The following CEP112 variants were observed in gnomAD, a reference collection of about 807,000 sequenced individuals.
CEP112 encodes centrosomal protein of 112 kDa.
A neutral mutation model predicts 153.0 loss-of-function variants in CEP112; 127 were observed. The ratio of observed to expected loss-of-function variants is 0.83; its 90% confidence interval spans 0.72 to 0.96. CEP112 has a LOEUF of 0.96. Among genes scored for constraint, CEP112 ranks in the 40% least tolerant of loss-of-function variants. CEP112 has a pLI of 0.00. For synonymous variants in CEP112, 358 were observed against 374.4 expected (o/e 0.96, Z 0.51); for missense variants, 1,089 against 1,101.2 (o/e 0.99, Z 0.16).
chr17:65,712,273 C>T (rs376437503), intron 23 of CEP112, among the ~76,000 whole-genome samples: 8 of 152,094 alleles, frequency 5.3e-5, no homozygotes, highest in Non-Finnish European at 1.2e-4. Flanking sequence ...ATGGTCTGGC[C>T]GCCATGGGGC....
intron 23 of CEP112, among the ~76,000 whole-genome samples, chr17:65,713,426 A>G (rs1158369056): frequency 6.6e-6 from 1 of 152,216 alleles, no homozygotes; most frequent in African/African-American, 2.4e-5. Flanking sequence ...ACAATTTAGA[A>G]TTTATTTTAA....
At chr17:65,937,481 T>A (rs1248000757) in intron 18 of CEP112, among the ~76,000 whole-genome samples, 4 of 115,458 alleles carry the variant, frequency 3.5e-5, no homozygotes, top group East Asian at 4.9e-4. Context: ...GTCTGAGAAG[T>A]GAGGAGACCC....
At chr17:66,056,158 A>C (rs1261567673) in intron 11 of CEP112, among the ~76,000 whole-genome samples, 1 of 152,214 alleles carries the variant, frequency 6.6e-6, no homozygotes, top group Non-Finnish European at 1.5e-5. Flanking sequence ...AGAGTTTGAT[A>C]ATGGGTACAG....
intron 17 of CEP112, among the ~76,000 whole-genome samples, chr17:65,969,958 A>C (rs990485483): frequency 2.0e-5 from 3 of 152,168 alleles, no homozygotes; most frequent in Non-Finnish European, 4.4e-5. Context: ...CAGGTATATT[A>C]AATGTATGTA....
intron 9 of CEP112, 67 bp downstream of exon 9, chr17:66,069,847 TG>T: frequency 1.2e-6 from 1 of 835,210 alleles, no homozygotes; most frequent in Non-Finnish European, 1.9e-6. Flanking sequence ...GATAACTGGA[TG>T]GATCATCATA....
intron 20 of CEP112, among the ~76,000 whole-genome samples, chr17:65,864,702 C>G (rs2058423939): frequency 6.6e-6 from 1 of 152,154 alleles, no homozygotes. Context: ...CTGCTCATGG[C>G]TGTTGGCTAA....
intron 21 of CEP112, among the ~76,000 whole-genome samples, chr17:65,845,096 G>T (rs1212835200): frequency 6.6e-6 from 1 of 152,160 alleles, no homozygotes; most frequent in African/African-American, 2.4e-5. Flanking sequence ...AAGGCGAGTG[G>T]ATCACTTGAG....
chr17:66,149,531 C>G (rs1438288656), intron 4 of CEP112, among the ~76,000 whole-genome samples: 1 of 152,066 alleles, frequency 6.6e-6, no homozygotes, highest in Admixed American at 6.5e-5. Flanking sequence ...TTCAGATATT[C>G]TATTCTTCAT....
intron 24 of CEP112, among the ~76,000 whole-genome samples, chr17:65,651,659 C>T: frequency 6.6e-6 from 1 of 151,036 alleles, no homozygotes. Flanking sequence ...CTTTCTCTTT[C>T]TTTCTCCTTC....
chr17:65,736,969 C>T (rs1447901572), intron 23 of CEP112, among the ~76,000 whole-genome samples: 1 of 152,148 alleles, frequency 6.6e-6, no homozygotes, highest in Non-Finnish European at 1.5e-5. Context: ...TGAGCCACAA[C>T]AGCGACCCGC....
chr17:65,890,187 G>A (rs11079591), intron 20 of CEP112, among the ~76,000 whole-genome samples: 2,486 of 152,238 alleles, frequency 0.016, 78 homozygotes, highest in African/African-American at 0.056. Context: ...TAATTACTAA[G>A]TGGGATAATA....
At chr17:65,971,903 CT>C (rs1210617670) in intron 17 of CEP112, among the ~76,000 whole-genome samples, 1 of 152,162 alleles carries the variant, frequency 6.6e-6, no homozygotes, top group Non-Finnish European at 1.5e-5. Flanking sequence ...GAAGCAAAGA[CT>C]TATTGAAATG....
At chr17:65,944,462 T>G (rs577032611) in intron 18 of CEP112, among the ~76,000 whole-genome samples, 47 of 152,222 alleles carry the variant, frequency 3.1e-4, no homozygotes, top group Non-Finnish European at 6.0e-4. Context: ...TCTTTATTAA[T>G]AAAAGAAAAG....
chr17:66,051,146 ATTT>A (rs55855547), intron 12 of CEP112, among the ~76,000 whole-genome samples: 31 of 145,390 alleles, frequency 2.1e-4, no homozygotes, highest in South Asian at 1.1e-3. Context: ...GGCCTAGCTA[ATTT>A]TTTTTTTTTT....
Position 66,045,079 on chromosome 17 carries a change from T to TAAA in CEP112, c.1218+8656_1218+8657insTTT, listed in dbSNP as rs2066146040. On this transcript the variant is annotated intron_variant, in intron 12 of 26. Transcript: ENST00000535342. ...TTCAAGCTAGAAACAAAAAAAAAAT[T>TAAA]TTTTTTTTTGAAACAGGGTCACACT... is the stretch of plus-strand genomic sequence containing the variant. 1.7e-4 allele frequency among the ~76,000 whole-genome samples: 20 copies of TAAA among 115,734 alleles called. No individual in the cohort carries two copies. The South Asian group carries it at 2.8e-3, about 16-fold the overall frequency. The allele number at this position is 115,734 out of a possible 152,430, so 75.9% of individuals were successfully genotyped here.
intron 8 of CEP112, among the ~76,000 whole-genome samples, chr17:66,083,202 A>G (rs1395389652): frequency 6.6e-6 from 1 of 152,162 alleles, no homozygotes; most frequent in African/African-American, 2.4e-5. Context: ...TGCTGTTCTC[A>G]TGATAGTGAA....
intron 23 of CEP112, among the ~76,000 whole-genome samples, chr17:65,716,517 C>T (rs1457820205): frequency 6.6e-6 from 1 of 151,886 alleles, no homozygotes; most frequent in Non-Finnish European, 1.5e-5. Context: ...GAAGGTAGAG[C>T]GGGGCAGGGG....
rs567446793 is a variant in CEP112, at chr17:65,871,642, A to T, written c.2164-19608T>A. Among the ~76,000 whole-genome samples, 70 of 152,334 alleles carry T rather than the reference A, an allele frequency of 4.6e-4. 1 individual carries two copies. Among genetic ancestry groups the T allele is most frequent in the African/African-American group, 1.3e-3 (52 of 41,572 alleles). ...AGAGCGAGACTCCGTCTCAATAAAT[A>T]AATTAATTAATTAAATTAAATAAAT... On this transcript the variant is annotated intron_variant, in intron 20 of 26. Transcript: ENST00000535342.
At chr17:65,850,689 T>C (rs192829481) in intron 21 of CEP112, among the ~76,000 whole-genome samples, 2 of 152,136 alleles carry the variant, frequency 1.3e-5, no homozygotes, top group Admixed American at 6.6e-5. Context: ...CCTCTACTCA[T>C]AGAGAGTCAA....
Sources: allele counts gnomAD v4.1 joint callset (sites outside exome capture counted in the v4.1 genomes callset), GRCh38; gene constraint gnomAD v4.1.1; transcripts MANE v1.5; gene names NCBI Gene and HGNC (gene_info 2026-07-23, HGNC 2026-07-21).